The following PPP5C variants were observed in gnomAD, a reference collection of about 807,000 sequenced individuals.
The protein encoded by PPP5C is protein phosphatase 5 catalytic subunit.
PPP5C carries 21 observed loss-of-function variants against 66.7 expected under a neutral mutation model. The observed-to-expected ratio is 0.31, with a 90% CI of 0.22 to 0.45. The LOEUF is 0.45. Ranked by LOEUF, PPP5C falls within the 20% of genes least tolerant of loss-of-function variation. PPP5C has a pLI of 1.00. For missense variants in PPP5C, 464 were observed against 675.9 expected, an observed-to-expected ratio of 0.69 and a Z score of 3.48; for synonymous variants, 246 against 257.4, an observed-to-expected ratio of 0.96 and a Z score of 0.43.
Position 46,383,829 on chromosome 19 carries a change from T to C in PPP5C, c.749T>C (p.Leu250Pro). The change falls in exon 6 of 13, where the codon CTC becomes CCC. Residue 250 changes from leucine (L) to proline (P), a missense_variant. Physicochemically the swap from Leu to Pro is moderately conservative, Grantham distance 98. This residue lies in a region of PPP5C where 387 missense variants were observed against 626.0 expected (regional missense o/e 0.62). Coordinates refer to ENST00000012443, the MANE Select transcript of PPP5C (RefSeq NM_006247.4). The surrounding 1 kb of genome is among the most constrained non-coding windows in gnomAD (Gnocchi z 5.0). ...CGDTHGQFYD[L>P]LNIFELNGLP... ...GACACCCATGGCCAGTTCTATGACC[T>C]CCTCAACATATTCGAGCTCAACGGT... is the stretch of plus-strand genomic sequence containing the variant. The C allele has an allele frequency of 6.2e-7, 1 of 1,614,010 alleles. No homozygotes were observed. The highest frequency in any genetic ancestry group is 2.2e-5 in the East Asian group (1 of 44,874).
intron 3 of PPP5C, 84 bp downstream of exon 3, chr19:46,375,835 C>A (rs551595855): frequency 6.7e-7 from 1 of 1,495,554 alleles, no homozygotes; most frequent in Non-Finnish European, 8.9e-7. Context: ...GGGTTGGGCT[C>A]AGGGGTGGCC....
At chr19:46,371,831 C>G (rs541649712) in intron 2 of PPP5C, among the ~76,000 whole-genome samples, 1 of 152,334 alleles carries the variant, frequency 6.6e-6, no homozygotes, top group East Asian at 1.9e-4. Context: ...AGGCACGGCT[C>G]CCTTCTGGGC....
chr19:46,388,857 A>C lies in PPP5C; in HGVS notation c.1355+126A>C. ...AAGAGCAGATAAAAGAACATGACGA[A>C]CACCCCCGTATGTGTCACCCACCCA... On this transcript the variant is annotated intron_variant, in intron 11 of 12. Coordinates refer to ENST00000012443, the MANE Select transcript of PPP5C (RefSeq NM_006247.4). The surrounding 1 kb of genome is among the most constrained non-coding windows in gnomAD (Gnocchi z 4.9). 1 of 1,184,310 alleles carries C rather than the reference A, an allele frequency of 8.4e-7. No individual in the cohort carries two copies. The highest frequency in any genetic ancestry group is 1.2e-6 in the Non-Finnish European group (1 of 846,888). 73.4% of individuals were successfully genotyped at this position (1,184,310 alleles called of 1,614,324 possible).
chr19:46,377,648 C>T (rs2083740692), intron 4 of PPP5C, among the ~76,000 whole-genome samples: 1 of 152,228 alleles, frequency 6.6e-6, no homozygotes, highest in African/African-American at 2.4e-5. Flanking sequence ...TGACCCCTTT[C>T]TAGTCAGCCC....
At chr19:46,389,954 T>G in intron 11 of PPP5C, 97 bp from the exon 12 acceptor site, 1 of 1,063,980 alleles carries the variant, frequency 9.4e-7, no homozygotes, top group African/African-American at 1.6e-5. Context: ...TGTCCCTCCC[T>G]CTCCCTCTGT....
At position 46,384,820 on chromosome 19, in the gene PPP5C, T is replaced by C; in HGVS notation, c.815T>C (p.Phe272Ser). 1 of 1,613,926 alleles carries C rather than the reference T, an allele frequency of 6.2e-7. No homozygotes were observed. Among genetic ancestry groups the C allele is most frequent in the Non-Finnish European group, 8.5e-7 (1 of 1,179,812 alleles). The change falls in exon 7 of 13, where the codon TTT (phenylalanine) becomes TCT (serine). Residue 272 changes from phenylalanine (F) to serine (S), a missense_variant. Physicochemically the swap from Phe to Ser is radical, Grantham distance 155. This residue lies in a region of PPP5C where 387 missense variants were observed against 626.0 expected (regional missense o/e 0.62). Coordinates refer to ENST00000012443, the MANE Select transcript of PPP5C (RefSeq NM_006247.4). ...GCAGGACAGATATTTAATGGTGACT[T>C]TGTGGACCGAGGCTCCTTCTCTGTA... ...ETNPYIFNGD[F>S]VDRGSFSVEV...
At chr19:46,386,884 T>C in intron 7 of PPP5C, 4 of 664,328 alleles carry the variant, frequency 6.0e-6, no homozygotes, top group South Asian at 5.8e-5. Flanking sequence ...GCTGGAATTA[T>C]AGGCGTGAGC....
At position 46,388,835 on chromosome 19, in the gene PPP5C, A is replaced by G. The variant is rs1972939134; in HGVS notation, c.1355+104A>G. On this transcript the variant is annotated intron_variant, in intron 11 of 12. Transcript: ENST00000012443. This position sits in a 1 kb window ranked among gnomAD's most constrained non-coding sequence, Gnocchi z 4.9. Reference sequence around the variant, plus strand: ...ATGGAACATTTCAAAGACAGGCAAGAGCAGATAAAAGAACATGACGAACAC... The same window carrying G: ...ATGGAACATTTCAAAGACAGGCAAGGGCAGATAAAAGAACATGACGAACAC... 7.1e-7 allele frequency: 1 copy of G among 1,418,258 alleles called. No individual in the cohort carries two copies. The highest frequency in any genetic ancestry group is 2.0e-5 in the Admixed American group (1 of 50,506). The allele number at this position is 1,418,258 out of a possible 1,614,324, so 87.9% of individuals were successfully genotyped here.
intron 1 of PPP5C, among the ~76,000 whole-genome samples, chr19:46,348,574 A>G (rs1972127380): frequency 6.6e-6 from 1 of 152,136 alleles, no homozygotes. Flanking sequence ...TCGGCCTCTC[A>G]AAGTGCTGGG....
At chr19:46,356,983 T>A (rs1410048679) in intron 2 of PPP5C, among the ~76,000 whole-genome samples, 1 of 152,208 alleles carries the variant, frequency 6.6e-6, no homozygotes, top group African/African-American at 2.4e-5. Context: ...AGCCTTAGTG[T>A]CCTCATCTGT....
chr19:46,387,134 G>A lies in PPP5C; in HGVS notation c.946G>A (p.Glu316Lys), dbSNP rs1452420186. Residue 316 changes from glutamate to lysine, a missense_variant, in exon 8 of 13, where the codon GAG becomes AAG. Transcript: ENST00000012443. ...TDNMNQIYGF[E>K]GEVKAKYTAQ... Reference sequence around the variant, plus strand: ...CAACATGAACCAGATCTACGGTTTCGAGGGTGAGGTGAAGGCCAAGTACAC... The same window carrying A: ...CAACATGAACCAGATCTACGGTTTCAAGGGTGAGGTGAAGGCCAAGTACAC... 6.2e-7 allele frequency: 1 copy of A among 1,614,226 alleles called. No individual in the cohort carries two copies. The highest frequency in any genetic ancestry group is 1.1e-5 in the South Asian group (1 of 91,080).
intron 12 of PPP5C, 29 bp from the exon 13 acceptor site, chr19:46,390,255 T>C (rs371098445): frequency 1.9e-6 from 3 of 1,595,900 alleles, no homozygotes; most frequent in African/African-American, 2.7e-5. Context: ...TTCTGACTTC[T>C]GTCCATCCCA....
rs754947280 is a variant in PPP5C, at chr19:46,388,564, G to A, written c.1188G>A (p.Ser396=). Residue 396 remains serine, a synonymous_variant, in exon 11 of 13, where the codon TCG becomes TCA. Coordinates refer to ENST00000012443, the MANE Select transcript of PPP5C (RefSeq NM_006247.4). The surrounding 1 kb of genome is among the most constrained non-coding windows in gnomAD (Gnocchi z 4.9). ...CTGCCCACCCTCAGAACGGGCGCTC[G>A]ATCAGCAAGCGGGGCGTGAGCTGTC... ...WSDPQPQNGR[S]ISKRGVSCQF... 24 of 1,613,914 alleles carry A rather than the reference G, an allele frequency of 1.5e-5. No individual in the cohort carries two copies. Among genetic ancestry groups the A allele is most frequent in the Admixed American group, 3.3e-5 (2 of 60,000 alleles).
At position 46,390,613 on chromosome 19, in the gene PPP5C, C is replaced by T. The variant is rs1973002929; in HGVS notation, c.*267C>T. The T allele has an allele frequency of 7.4e-7, 1 of 1,356,040 alleles. No homozygotes were observed. The highest frequency in any genetic ancestry group is 2.9e-5 in the East Asian group (1 of 34,174). The allele number at this position is 1,356,040 out of a possible 1,614,324, so 84.0% of individuals were successfully genotyped here. ...CCTGGGCATTCTGTGGGGAGGCCGTCCTCGGGGTGGGGTGGGGCCGAGTGG... is the reference window on the plus strand; with the variant it reads ...CCTGGGCATTCTGTGGGGAGGCCGTTCTCGGGGTGGGGTGGGGCCGAGTGG... On this transcript the variant is annotated 3_prime_UTR_variant, in exon 13 of 13. Coordinates refer to ENST00000012443, the MANE Select transcript of PPP5C (RefSeq NM_006247.4).
chr19:46,389,717 C>G (rs1347093534), intron 11 of PPP5C, among the ~76,000 whole-genome samples: 2 of 151,976 alleles, frequency 1.3e-5, no homozygotes, highest in African/African-American at 4.8e-5. Flanking sequence ...TGACATGTTC[C>G]TCTGTTCCCT....
chr19:46,385,040 A>G (rs974621270), intron 7 of PPP5C, 131 bp downstream of exon 7: 15 of 708,150 alleles, frequency 2.1e-5, no homozygotes, highest in African/African-American at 1.9e-4. Flanking sequence ...ACCTTTTAAG[A>G]TTGAGTATGT....
At chr19:46,356,581 A>C (rs1972291285) in intron 2 of PPP5C, among the ~76,000 whole-genome samples, 1 of 152,214 alleles carries the variant, frequency 6.6e-6, no homozygotes. Context: ...TGAGGCCTAG[A>C]GAGGAGATGT....
chr19:46,363,181 G>A (rs573781401), intron 2 of PPP5C, among the ~76,000 whole-genome samples: 12 of 140,058 alleles, frequency 8.6e-5, no homozygotes, highest in African/African-American at 2.1e-4. Context: ...GGTGGCGGGC[G>A]CCTGTAGTCC....
intron 1 of PPP5C, among the ~76,000 whole-genome samples, chr19:46,352,767 C>T (rs904887546): frequency 6.1e-5 from 9 of 148,294 alleles, no homozygotes; most frequent in African/African-American, 2.0e-4. Context: ...TTGCAGTGAG[C>T]GGAGATCGCA....
Sources: allele counts gnomAD v4.1 joint callset (sites outside exome capture counted in the v4.1 genomes callset), GRCh38; gene constraint gnomAD v4.1.1; regional missense constraint gnomAD v4.1.1; non-coding constraint Gnocchi (gnomAD v3.1); transcripts MANE v1.5; gene names NCBI Gene and HGNC (gene_info 2026-07-23, HGNC 2026-07-21).